LBHD2: variants seen among roughly 807,000 people sequenced by gnomAD.
LBHD2 encodes LBH domain containing 2, also known as LBH domain-containing protein 2.
chr14:103,084,534 G>GGGTGCCCTCGATGTGT (rs1395606920), intron 1 of LBHD2, among the ~76,000 whole-genome samples, 187 bp downstream of exon 1: 98 of 152,320 alleles, frequency 6.4e-4, no homozygotes, highest in African/African-American at 2.1e-3. Context: ...TGGGGGTGGT[G>GGGTGCCCTCGATGTGT]GGTGCCCTCG....
chr14:103,088,329 A>G (rs1020380044), intron 3 of LBHD2, 88 bp downstream of exon 3: 6 of 398,154 alleles, frequency 1.5e-5, no homozygotes, highest in African/African-American at 4.1e-5. Context: ...CGGCTCCAGC[A>G]AGCAAGGCCT....
At chr14:103,086,675 C>A (rs972709665) in intron 2 of LBHD2, among the ~76,000 whole-genome samples, 1 of 151,962 alleles carries the variant, frequency 6.6e-6, no homozygotes, top group Non-Finnish European at 1.5e-5. Context: ...CCTAGTGTCA[C>A]CTTTTGGCAG....
intron 1 of LBHD2, 75 bp from the exon 2 acceptor site, chr14:103,085,901 C>T (rs1262321411): frequency 7.5e-6 from 3 of 397,456 alleles, no homozygotes; most frequent in Non-Finnish European, 1.3e-5. Flanking sequence ...GTGGGGTGGG[C>T]TTAGCACCTG....
intron 2 of LBHD2, among the ~76,000 whole-genome samples, chr14:103,086,812 G>T (rs1889641340): frequency 6.6e-6 from 1 of 152,204 alleles, no homozygotes; most frequent in African/African-American, 2.4e-5. Flanking sequence ...GGGAGCAGTG[G>T]GGCTAGAGAG....
chr14:103,089,233 C>T (rs148965147), intron 3 of LBHD2, among the ~76,000 whole-genome samples: 264 of 152,216 alleles, frequency 1.7e-3, no homozygotes, highest in African/African-American at 6.1e-3. Flanking sequence ...CAGCTGGGGC[C>T]GCTCAGCACC....
intron 1 of LBHD2, among the ~76,000 whole-genome samples, chr14:103,084,741 C>T (rs562410537): frequency 6.6e-6 from 1 of 152,226 alleles, no homozygotes; most frequent in South Asian, 2.1e-4. Flanking sequence ...CTCTTCTCCT[C>T]TGTCTCCAGC....
At chr14:103,086,491 G>A (rs1023273272) in intron 2 of LBHD2, among the ~76,000 whole-genome samples, 18 of 152,280 alleles carry the variant, frequency 1.2e-4, no homozygotes, top group African/African-American at 4.1e-4. Flanking sequence ...GATTACAGGC[G>A]TGAGCCACTG....
chr14:103,085,969 C>T lies in LBHD2; in HGVS notation c.-37-7C>T, dbSNP rs1424525426. 18 of 398,672 alleles carry T rather than the reference C, an allele frequency of 4.5e-5. No homozygotes were observed. The highest frequency in any genetic ancestry group is 6.2e-5 in the Non-Finnish European group (14 of 226,080). 24.7% of individuals were successfully genotyped at this position (398,672 alleles called of 1,614,324 possible). On this transcript the variant is annotated splice_polypyrimidine_tract_variant and splice_region_variant and intron_variant, in intron 1 of 3. Coordinates refer to ENST00000634353, the MANE Select transcript of LBHD2 (RefSeq NM_001330236.2). The stretch of plus-strand genomic sequence containing the variant: ...GCCAACAGCAGACACCCCATTTCTG[C>T]TCCCAGTCCTCGTGCAGCTTAGTGG...
chr14:103,086,694 G>A (rs1257404581), intron 2 of LBHD2, among the ~76,000 whole-genome samples: 1 of 151,458 alleles, frequency 6.6e-6, no homozygotes, highest in African/African-American at 2.4e-5. Context: ...AGGGGATGGG[G>A]AGGTGCTGAT....
At chr14:103,088,876 C>T (rs1041688577) in intron 3 of LBHD2, among the ~76,000 whole-genome samples, 1 of 152,244 alleles carries the variant, frequency 6.6e-6, no homozygotes, top group African/African-American at 2.4e-5. Flanking sequence ...CGCCTGTAAT[C>T]CCAGCTACTC....
At chr14:103,088,375 C>T (rs1889663385) in intron 3 of LBHD2, 134 bp downstream of exon 3, 2 of 397,660 alleles carry the variant, frequency 5.0e-6, no homozygotes, top group African/African-American at 4.1e-5. Flanking sequence ...CATCCTCCGC[C>T]CGCCTTGGAG....
Sources: allele counts gnomAD v4.1 joint callset (sites outside exome capture counted in the v4.1 genomes callset), GRCh38; gene constraint gnomAD v4.1.1; transcripts MANE v1.5; gene names NCBI Gene and HGNC (gene_info 2026-07-23, HGNC 2026-07-21).